DIP2C: variants seen among roughly 807,000 people sequenced by gnomAD.
DIP2C encodes disco-interacting protein 2 homolog C.
A neutral mutation model predicts 192.4 loss-of-function variants in DIP2C; 33 were observed. That is an observed-to-expected ratio of 0.17 (90% CI 0.13 to 0.23). The LOEUF is 0.23. Among genes scored for constraint, DIP2C ranks in the 10% least tolerant of loss-of-function variants. The pLI is 1.00. For synonymous variants in DIP2C, 979 were observed against 864.1 expected (o/e 1.13, Z -2.33); for missense variants, 1,537 against 2,110.1 (o/e 0.73, Z 5.32).
At chr10:502,718 C>G (rs1158709854) in intron 1 of DIP2C, among the ~76,000 whole-genome samples, 1 of 152,106 alleles carries the variant, frequency 6.6e-6, no homozygotes, top group Non-Finnish European at 1.5e-5. Flanking sequence ...TTAAAAACAA[C>G]ACTATTTACA....
chr10:475,361 G>C (rs996929449), intron 2 of DIP2C, among the ~76,000 whole-genome samples: 3 of 152,178 alleles, frequency 2.0e-5, no homozygotes, highest in African/African-American at 7.2e-5. Flanking sequence ...GGGAGAAACA[G>C]ATAAAGGCAC....
At chr10:537,123 G>T (rs1438307975) in intron 1 of DIP2C, among the ~76,000 whole-genome samples, 1 of 152,182 alleles carries the variant, frequency 6.6e-6, no homozygotes, top group South Asian at 2.1e-4. Flanking sequence ...GGGGGAAGAA[G>T]TGAGGGTGGA....
intron 3 of DIP2C, among the ~76,000 whole-genome samples, chr10:442,076 C>T (rs919383402): frequency 8.5e-5 from 13 of 152,094 alleles, no homozygotes; most frequent in African/African-American, 3.1e-4. Flanking sequence ...AGGCAAAAAC[C>T]CACTCAAAGG....
intron 1 of DIP2C, among the ~76,000 whole-genome samples, chr10:620,052 A>G (rs980182046): frequency 6.6e-5 from 10 of 152,138 alleles, no homozygotes; most frequent in African/African-American, 2.4e-4. Flanking sequence ...GCCCCCAAGA[A>G]CATTCTGGAT....
intron 1 of DIP2C, among the ~76,000 whole-genome samples, chr10:579,272 ATACACACATCCAGATTCATGTAGTG>A (rs1850407910): frequency 2.0e-5 from 3 of 152,028 alleles, no homozygotes; most frequent in African/African-American, 7.2e-5. Flanking sequence ...TGCATACAGC[ATACACACATCCAGATTCATGTAGTG>A]TACACACATA....
intron 9 of DIP2C, among the ~76,000 whole-genome samples, chr10:404,177 CAT>C (rs1172322314): frequency 1.3e-5 from 2 of 151,476 alleles, no homozygotes; most frequent in African/African-American, 2.4e-5. Context: ...TGATTTAGCA[CAT>C]GTGCATCATT....
intron 1 of DIP2C, among the ~76,000 whole-genome samples, chr10:574,041 T>C (rs916292807): frequency 2.0e-5 from 3 of 152,224 alleles, no homozygotes; most frequent in Non-Finnish European, 4.4e-5. Context: ...TTAAGTATCT[T>C]GCAAGGGAGT....
Position 440,904 on chromosome 10 carries a change from C to T in DIP2C, c.361G>A (p.Val121Met), listed in dbSNP as rs748869768. 1.7e-5 allele frequency: 27 copies of T among 1,613,524 alleles called. No individual in the cohort carries two copies. Among genetic ancestry groups the T allele is most frequent in the African/African-American group, 1.1e-4 (8 of 74,916 alleles). ...PMPSKRRSLV[V>M]QTSMDAYTPP... is the part of the protein sequence containing the mutation. ...GTGTAGGCGTCCATCGAGGTCTGCA[C>T]GACCAGGGACCTGCGTTTGGAAGGC... The change falls in exon 4 of 37, where the codon GTG (valine) becomes ATG (methionine). Residue 121 changes from valine to methionine, a missense_variant. Coordinates refer to ENST00000280886, the MANE Select transcript of DIP2C (RefSeq NM_014974.3).
chr10:326,562 C>CCCAGAAGT (rs1216521664), intron 31 of DIP2C, among the ~76,000 whole-genome samples: 1 of 152,232 alleles, frequency 6.6e-6, no homozygotes, highest in Non-Finnish European at 1.5e-5. Flanking sequence ...ACGCCTGTTT[C>CCCAGAAGT]CCAGAAGTGC....
intron 1 of DIP2C, among the ~76,000 whole-genome samples, chr10:573,661 C>T (rs1233861063): frequency 1.3e-5 from 2 of 152,108 alleles, no homozygotes; most frequent in Non-Finnish European, 2.9e-5. Context: ...CCGCCCGCCT[C>T]GGCCTCCCAA....
intron 3 of DIP2C, among the ~76,000 whole-genome samples, chr10:453,533 G>A (rs1396365184): frequency 2.0e-5 from 3 of 152,246 alleles, no homozygotes; most frequent in Non-Finnish European, 2.9e-5. Flanking sequence ...GTATTTTTAA[G>A]TATCTTTGAG....
chr10:350,857 A>T (rs1015225111), intron 24 of DIP2C, among the ~76,000 whole-genome samples: 7 of 152,144 alleles, frequency 4.6e-5, no homozygotes, highest in African/African-American at 1.7e-4. Flanking sequence ...TATGTTGGCC[A>T]GGATGGTCTT....
chr10:611,866 AAC>A lies in DIP2C; in HGVS notation c.85+77626_85+77627del, dbSNP rs558037895. Among the ~76,000 whole-genome samples, 1,111 of 152,332 alleles carry A rather than the reference AAC, an allele frequency of 7.3e-3. 12 individuals are homozygous for A. Among genetic ancestry groups the A allele is most frequent in the Non-Finnish European group, 0.013 (875 of 68,034 alleles). ...CACGACTTCAAATACCCTAGGATCT[AAC>A]AGGCCCAGTGACCCATGTAACTATG... On this transcript the variant is annotated intron_variant, in intron 1 of 36. Coordinates refer to ENST00000280886, the MANE Select transcript of DIP2C (RefSeq NM_014974.3).
At chr10:304,388 A>G (rs961598910) in intron 32 of DIP2C, among the ~76,000 whole-genome samples, 2 of 152,156 alleles carry the variant, frequency 1.3e-5, no homozygotes, top group East Asian at 1.9e-4. Flanking sequence ...AAACAGCACT[A>G]TGCAGCACAT....
intron 1 of DIP2C, among the ~76,000 whole-genome samples, chr10:616,405 G>A (rs1853474266): frequency 6.6e-6 from 1 of 152,204 alleles, no homozygotes; most frequent in Non-Finnish European, 1.5e-5. Flanking sequence ...AAATTAATTT[G>A]CTTTGTTCAT....
chr10:282,192 C>G (rs1448202732), intron 35 of DIP2C: 1 of 152,418 alleles, frequency 6.6e-6, no homozygotes, highest in African/African-American at 2.4e-5. Context: ...GCCTCTGCCC[C>G]CTACAGCAGC....
At chr10:411,297 G>A (rs1015967526) in intron 8 of DIP2C, among the ~76,000 whole-genome samples, 5 of 152,218 alleles carry the variant, frequency 3.3e-5, no homozygotes, top group South Asian at 2.1e-4. Context: ...GAGGAAGAGC[G>A]TACCAGAGAG....
intron 1 of DIP2C, among the ~76,000 whole-genome samples, chr10:594,586 G>A (rs775331788): frequency 2.0e-5 from 3 of 152,154 alleles, no homozygotes; most frequent in Non-Finnish European, 2.9e-5. Context: ...TTTAACATAA[G>A]GGAACGTGGC....
At chr10:481,781 G>A (rs575873934) in intron 2 of DIP2C, among the ~76,000 whole-genome samples, 6 of 152,132 alleles carry the variant, frequency 3.9e-5, no homozygotes, top group African/African-American at 9.7e-5. Flanking sequence ...ATCCATCCTC[G>A]TACCACGGTA....
Sources: gnomAD v4.1 joint callset for allele counts (sites outside exome capture counted in the v4.1 genomes callset) on GRCh38, gnomAD v4.1.1 for gene constraint, MANE v1.5 for transcripts, NCBI Gene and HGNC (gene_info 2026-07-23, HGNC 2026-07-21) for gene names.